Variants in STARD13 observed in about 807,000 individuals in gnomAD.
STARD13 encodes the protein stAR-related lipid transfer protein 13.
A neutral mutation model predicts 106.4 loss-of-function variants in STARD13; 62 were observed. The ratio of observed to expected loss-of-function variants is 0.58; its 90% CI spans 0.48 to 0.72. The LOEUF is 0.72. Among genes scored for constraint, STARD13 ranks in the 30% least tolerant of loss-of-function variants. The pLI, the probability that STARD13 is intolerant of heterozygous loss-of-function variation, is 0.00. For synonymous variants in STARD13, 565 were observed against 553.0 expected (o/e 1.02, Z -0.31); for missense variants, 1,387 against 1,424.0 (o/e 0.97, Z 0.42).
chr13:33,319,076 G>A (rs2138522965), intron 1 of STARD13, among the ~76,000 whole-genome samples: 1 of 152,290 alleles, frequency 6.6e-6, no homozygotes, highest in East Asian at 1.9e-4. Context: ...AAAAACATTT[G>A]TTTATAGAAA....
chr13:33,490,308 CCCCA>C, the STARD13 span, among the ~76,000 whole-genome samples: 1 of 152,116 alleles, frequency 6.6e-6, no homozygotes, highest in African/African-American at 2.4e-5. Context: ...CCGGCAAAGG[CCCCA>C]CCCTCAAGCC....
chr13:33,588,454 C>A, the STARD13 span, among the ~76,000 whole-genome samples: 8 of 152,110 alleles, frequency 5.3e-5, no homozygotes, highest in African/African-American at 1.9e-4. Flanking sequence ...TAAACCTAAT[C>A]AAAACATAAT....
downstream of STARD13, among the ~76,000 whole-genome samples, chr13:33,343,610 T>A (rs1201951279): frequency 8.8e-4 from 106 of 119,788 alleles, 1 homozygote; most frequent in Middle Eastern, 4.4e-3. Context: ...AATCTACAAA[T>A]CTAGTAGTCC....
At chr13:33,398,437 A>G in the STARD13 span, among the ~76,000 whole-genome samples, 1 of 152,200 alleles carries the variant, frequency 6.6e-6, no homozygotes, top group South Asian at 2.1e-4. Context: ...AACATGAACT[A>G]TATGGAAATT....
At chr13:33,126,468 T>C (rs960109069) in intron 6 of STARD13, among the ~76,000 whole-genome samples, 1 of 152,226 alleles carries the variant, frequency 6.6e-6, no homozygotes, top group Non-Finnish European at 1.5e-5. Flanking sequence ...TCCCAGAATG[T>C]ATTTGTAGCT....
intron 1 of STARD13, chr13:33,206,038 G>A: frequency 1.0e-6 from 1 of 985,248 alleles, no homozygotes; most frequent in Non-Finnish European, 1.2e-6. Context: ...CTGATCAATG[G>A]TGTGCCTGGT....
chr13:33,523,419 C>T, the STARD13 span, among the ~76,000 whole-genome samples: 6 of 152,136 alleles, frequency 3.9e-5, no homozygotes, highest in Admixed American at 3.3e-4. Context: ...TGATGTTTGC[C>T]TTTCATATTT....
the STARD13 span, among the ~76,000 whole-genome samples, chr13:33,598,333 C>T: frequency 1.3e-5 from 2 of 152,250 alleles, no homozygotes; most frequent in East Asian, 3.9e-4. Context: ...AATTCTGAAT[C>T]AAACTGTTCT....
chr13:33,663,275 AT>A, the STARD13 span, among the ~76,000 whole-genome samples: 2 of 152,168 alleles, frequency 1.3e-5, no homozygotes, highest in Non-Finnish European at 2.9e-5. Context: ...AATGATAAAA[AT>A]CTTAAAACTG....
the STARD13 span, among the ~76,000 whole-genome samples, chr13:33,628,473 T>C: frequency 1.3e-5 from 2 of 152,210 alleles, no homozygotes; most frequent in Non-Finnish European, 2.9e-5. Context: ...AAGGAACCTA[T>C]TCTAATAGGC....
In STARD13 at chr13:33,130,552, C is replaced by CTCCT. The variant is rs1266802151; in HGVS notation, c.388-267_388-264dup. ...CCATTTTCAAAGAGGTTTTGAATGC[C>CTCCT]TCCTTCCTTCCTCTCTAAGAAGTTT... On this transcript the variant is annotated intron_variant, in intron 4 of 13. Transcript: ENST00000336934. This position sits in a 1 kb window ranked among gnomAD's most constrained non-coding sequence, Gnocchi z 4.1. Among the ~76,000 whole-genome samples the CTCCT allele has an allele frequency of 3.3e-5, 5 of 152,148 alleles. No individual in the cohort carries two copies. Among genetic ancestry groups the CTCCT allele is most frequent in the Non-Finnish European group, 5.9e-5 (4 of 68,024 alleles).
the STARD13 span, among the ~76,000 whole-genome samples, chr13:33,490,902 C>T: frequency 2.0e-5 from 3 of 152,234 alleles, no homozygotes; most frequent in African/African-American, 7.2e-5. Context: ...ACCATGGGGC[C>T]AGAGCCCAAA....
chr13:33,505,769 T>C, the STARD13 span, among the ~76,000 whole-genome samples: 1 of 152,160 alleles, frequency 6.6e-6, no homozygotes. Context: ...TAGCACCTCA[T>C]GCTCATGAGT....
At chr13:33,107,813 G>A (rs1873975750) in intron 12 of STARD13, among the ~76,000 whole-genome samples, 1 of 152,050 alleles carries the variant, frequency 6.6e-6, no homozygotes, top group Non-Finnish European at 1.5e-5. Flanking sequence ...GAACATCTCT[G>A]TAACAACCTC....
the STARD13 span, among the ~76,000 whole-genome samples, chr13:33,496,643 T>A: frequency 2.6e-5 from 4 of 152,102 alleles, no homozygotes; most frequent in East Asian, 1.9e-4. Context: ...GTATCAAGCA[T>A]CCAAATGGCT....
intron 1 of STARD13, among the ~76,000 whole-genome samples, chr13:33,218,316 T>G (rs1024886893): frequency 2.0e-5 from 3 of 151,372 alleles, no homozygotes; most frequent in Admixed American, 2.0e-4. Context: ...TCAGACCCTT[T>G]GTTTTGGGTT....
chr13:33,451,927 T>C, the STARD13 span, among the ~76,000 whole-genome samples: 3 of 152,232 alleles, frequency 2.0e-5, no homozygotes, highest in Admixed American at 6.5e-5. Context: ...TGAAGTGACC[T>C]TGGCAAGAGC....
the STARD13 span, among the ~76,000 whole-genome samples, chr13:33,360,436 C>T: frequency 1.3e-5 from 2 of 151,704 alleles, no homozygotes; most frequent in Admixed American, 1.3e-4. Context: ...TATCTCCTGA[C>T]CTTGTGATCC....
chr13:33,566,244 A>G, the STARD13 span, among the ~76,000 whole-genome samples: 1 of 148,330 alleles, frequency 6.7e-6, no homozygotes, highest in Non-Finnish European at 1.5e-5. Flanking sequence ...ATTATTAGTT[A>G]CTGTTGGTTA....
Sources: gnomAD v4.1 joint callset for allele counts (sites outside exome capture counted in the v4.1 genomes callset) on GRCh38, gnomAD v4.1.1 for gene constraint, Gnocchi (gnomAD v3.1) non-coding constraint, MANE v1.5 for transcripts, NCBI Gene and HGNC (gene_info 2026-07-23, HGNC 2026-07-21) for gene names.